The following RSPO4 variants were observed in gnomAD, a reference collection of about 807,000 sequenced individuals.
RSPO4 encodes the protein R-spondin 4.
A neutral mutation model predicts 24.8 loss-of-function variants in RSPO4; 23 were observed. The ratio of observed to expected loss-of-function variants is 0.93; its 90% confidence interval spans 0.67 to 1.31. The LOEUF is 1.31. Ranked by LOEUF, RSPO4 falls within the 40% of genes most tolerant of loss-of-function variation. The pLI is 0.00. For synonymous variants in RSPO4, 141 were observed against 127.4 expected, an observed-to-expected ratio of 1.11 and a Z score of -0.72; for missense variants, 333 against 316.5, an observed-to-expected ratio of 1.05 and a Z score of -0.39.
intron 3 of RSPO4, 72 bp from the exon 4 acceptor site, chr20:964,192 A>C: frequency 3.0e-6 from 4 of 1,336,350 alleles, no homozygotes; most frequent in Non-Finnish European, 4.1e-6. Flanking sequence ...TTCAGATCCA[A>C]GGGCAGGGTT....
chr20:965,415 A>G (rs1984162321), intron 3 of RSPO4, among the ~76,000 whole-genome samples: 1 of 152,194 alleles, frequency 6.6e-6, no homozygotes, highest in Admixed American at 6.5e-5. Context: ...ATGGGGGTGG[A>G]AAGGCTGGCA....
intron 1 of RSPO4, among the ~76,000 whole-genome samples, chr20:976,416 AG>A (rs993934915): frequency 1.3e-5 from 2 of 152,208 alleles, no homozygotes; most frequent in Non-Finnish European, 2.9e-5. Context: ...TCCTAGGTGA[AG>A]GGCAGGCTTA....
chr20:962,415 G>T (rs6086687), intron 4 of RSPO4, among the ~76,000 whole-genome samples: 20,991 of 152,032 alleles, frequency 0.14, 2,458 homozygotes, highest in African/African-American at 0.32. Flanking sequence ...ATGAATGTTT[G>T]CAGTTATTGT....
intron 1 of RSPO4, among the ~76,000 whole-genome samples, chr20:997,154 C>T (rs1254691214): frequency 3.3e-5 from 5 of 152,180 alleles, no homozygotes; most frequent in Admixed American, 6.5e-5. Context: ...AGTGAGGACG[C>T]GCAGCCCCAC....
chr20:991,299 C>G (rs796237415), intron 1 of RSPO4, among the ~76,000 whole-genome samples: 7 of 152,212 alleles, frequency 4.6e-5, no homozygotes, highest in African/African-American at 1.7e-4. Context: ...TCAGAAAACC[C>G]AGACCATAAG....
chr20:959,119 GT>G lies in RSPO4; in HGVS notation c.*1237del. The G allele has an allele frequency of 6.9e-6, 1 of 144,586 alleles. No homozygotes were observed. The allele number at this position is 144,586 out of a possible 1,614,324, so 9.0% of individuals were successfully genotyped here. ...TGGGTGTGGGGGAGTGTGGTGGTGG[GT>G]GTGGGGCAGTGTGGTGGTGGGTGTG... On this transcript the variant is annotated 3_prime_UTR_variant, in exon 5 of 5. Coordinates refer to ENST00000217260, the MANE Select transcript of RSPO4 (RefSeq NM_001029871.4).
chr20:973,362 A>G (rs529382769), intron 1 of RSPO4, among the ~76,000 whole-genome samples: 1 of 151,972 alleles, frequency 6.6e-6, no homozygotes, highest in Admixed American at 6.5e-5. Flanking sequence ...CACTGAGGCC[A>G]GAAGGGGTGG....
intron 1 of RSPO4, among the ~76,000 whole-genome samples, chr20:980,658 C>T (rs78838151): frequency 8.1e-4 from 123 of 152,238 alleles, no homozygotes; most frequent in Admixed American, 1.3e-3. Flanking sequence ...AGACGTTGAC[C>T]TATATGGGCT....
At chr20:994,166 G>A (rs1297837350) in intron 1 of RSPO4, among the ~76,000 whole-genome samples, 1 of 152,128 alleles carries the variant, frequency 6.6e-6, no homozygotes, top group African/African-American at 2.4e-5. Flanking sequence ...GCTCAACCAC[G>A]AAACAAAATC....
chr20:963,790 G>A (rs1331693964), intron 4 of RSPO4, 145 bp downstream of exon 4: 12 of 810,964 alleles, frequency 1.5e-5, no homozygotes, highest in Non-Finnish European at 2.5e-5. Context: ...ACCAGGGAAG[G>A]TGATGTGTAC....
intron 3 of RSPO4, among the ~76,000 whole-genome samples, chr20:966,692 A>G (rs1243841700): frequency 6.6e-6 from 1 of 152,130 alleles, no homozygotes; most frequent in Non-Finnish European, 1.5e-5. Context: ...CTGTCTTTAC[A>G]AAAACATAAA....
chr20:984,247 G>A (rs1044088811), intron 1 of RSPO4, among the ~76,000 whole-genome samples: 7 of 152,164 alleles, frequency 4.6e-5, no homozygotes, highest in Admixed American at 4.6e-4. Context: ...GCTGAGGCAG[G>A]AGAATCACTT....
intron 1 of RSPO4, among the ~76,000 whole-genome samples, chr20:990,536 T>C (rs937794708): frequency 4.1e-4 from 55 of 135,198 alleles, no homozygotes; most frequent in African/African-American, 6.4e-4. Context: ...TTCCTTCCTT[T>C]CTTTTTCTTT....
chr20:990,532 CCTTT>C (rs386393077), intron 1 of RSPO4, among the ~76,000 whole-genome samples: 25 of 151,184 alleles, frequency 1.7e-4, no homozygotes, highest in African/African-American at 2.7e-4. Flanking sequence ...CTCCTTCCTT[CCTTT>C]CTTTTTCTTT....
At position 968,028 on chromosome 20, in the gene RSPO4, G is replaced by T; in HGVS notation, c.190C>A (p.Arg64Ser). 6.2e-7 allele frequency: 1 copy of T among 1,614,236 alleles called. No homozygotes were observed. Among genetic ancestry groups the T allele is most frequent in the Non-Finnish European group, 8.5e-7 (1 of 1,180,042 alleles). The change falls in exon 2 of 5, where the codon CGC becomes AGC. Residue 64 changes from arginine to serine, a missense_variant. Physicochemically the swap from Arg to Ser is moderately radical, Grantham distance 110. Coordinates refer to ENST00000217260, the MANE Select transcript of RSPO4 (RefSeq NM_001029871.4). ...TCGTGCAGGCACTTGCCGTACTGGC[G>T]GATGCCTTCCCGGCGGATGAACAGG... is the stretch of plus-strand genomic sequence containing the variant. Reference protein sequence around the residue: ...LFLFIRREGIRQYGKCLHDCP... With the variant: ...LFLFIRREGISQYGKCLHDCP...
chr20:987,239 C>T (rs1984950952), intron 1 of RSPO4, among the ~76,000 whole-genome samples: 1 of 152,162 alleles, frequency 6.6e-6, no homozygotes, highest in African/African-American at 2.4e-5. Context: ...CTGGGTAGCC[C>T]AGGTCTGCTA....
intron 1 of RSPO4, among the ~76,000 whole-genome samples, chr20:979,623 G>A (rs1984676939): frequency 2.0e-5 from 3 of 151,580 alleles, no homozygotes; most frequent in African/African-American, 7.3e-5. Flanking sequence ...GTAAGCCCTG[G>A]GTCTGGAGAG....
At chr20:990,989 G>T (rs528443013) in intron 1 of RSPO4, among the ~76,000 whole-genome samples, 4 of 152,244 alleles carry the variant, frequency 2.6e-5, no homozygotes, top group Middle Eastern at 6.8e-3. Flanking sequence ...TCCCACTAGC[G>T]TCCTCAGGAA....
At chr20:996,516 T>C (rs917330522) in intron 1 of RSPO4, among the ~76,000 whole-genome samples, 3 of 152,230 alleles carry the variant, frequency 2.0e-5, no homozygotes, top group African/African-American at 4.8e-5. Context: ...TCAGAGGTCT[T>C]GTCCATGATG....
Sources: gnomAD v4.1 joint callset for allele counts (sites outside exome capture counted in the v4.1 genomes callset) on GRCh38, gnomAD v4.1.1 for gene constraint, MANE v1.5 for transcripts, NCBI Gene and HGNC (gene_info 2026-07-23, HGNC 2026-07-21) for gene names.